Variants in RBFOX1 observed in about 807,000 individuals in gnomAD.
RBFOX1 encodes the protein RNA binding protein fox-1 homolog 1.
In RBFOX1, 8 loss-of-function variants were observed where a neutral mutation model predicts 57.7. That is an observed-to-expected ratio of 0.14 (90% CI 0.08 to 0.25). The LOEUF is 0.25. Among genes scored for constraint, RBFOX1 ranks in the 10% least tolerant of loss-of-function variants. The probability of loss-of-function intolerance (pLI) is 1.00; values close to 1 mark genes in which losing one functional copy is unlikely to be tolerated. For synonymous variants in RBFOX1, 326 were observed against 222.4 expected (o/e 1.47, Z -4.15); for missense variants, 611 against 548.5 (o/e 1.11, Z -1.14).
intron 4 of RBFOX1, among the ~76,000 whole-genome samples, chr16:5,917,480 C>G (rs116524366): frequency 1.3e-5 from 2 of 152,120 alleles, no homozygotes; most frequent in South Asian, 2.1e-4. Flanking sequence ...TCTGTCGGAT[C>G]GGGACCTCAT....
At chr16:5,282,159 G>T (rs2063287820) in intron 1 of RBFOX1, among the ~76,000 whole-genome samples, 2 of 152,182 alleles carry the variant, frequency 1.3e-5, no homozygotes, top group Non-Finnish European at 2.9e-5. Flanking sequence ...GAGTTTCCCT[G>T]CTCAAGCTCT....
In RBFOX1 at chr16:7,011,175, T is replaced by C. The variant is rs1038548172; in HGVS notation, c.-15-40882T>C. On this transcript the variant is annotated intron_variant, in intron 3 of 15. Coordinates refer to ENST00000550418, the MANE Select transcript of RBFOX1 (RefSeq NM_018723.4). The stretch of plus-strand genomic sequence containing the variant: ...AAAACTGCAGACAGATTTGGATTTA[T>C]TTGATTTCAATAATTAGCAGTCATT... Among the ~76,000 whole-genome samples the C allele has an allele frequency of 6.6e-5, 10 of 152,290 alleles. 1 individual carries two copies. The highest frequency in any genetic ancestry group is 5.2e-4 in the Admixed American group (8 of 15,296).
intron 3 of RBFOX1, among the ~76,000 whole-genome samples, chr16:5,716,170 A>G (rs73522236): frequency 0.077 from 11,732 of 152,286 alleles, 1,511 homozygotes; most frequent in African/African-American, 0.27. Flanking sequence ...AGGTAGTAGT[A>G]TCGGGCTCTT....
intron 1 of RBFOX1, among the ~76,000 whole-genome samples, chr16:6,141,140 C>A (rs981171259): frequency 1.4e-4 from 21 of 152,158 alleles, no homozygotes; most frequent in African/African-American, 4.8e-4. Flanking sequence ...CTGAACTTGA[C>A]CCTCCTTTGT....
At chr16:5,397,253 G>C (rs1405412409) in intron 1 of RBFOX1, among the ~76,000 whole-genome samples, 1 of 152,194 alleles carries the variant, frequency 6.6e-6, no homozygotes, top group Non-Finnish European at 1.5e-5. Flanking sequence ...TCCCCCTCTG[G>C]TTTCATGGTA....
intron 1 of RBFOX1, among the ~76,000 whole-genome samples, chr16:6,191,942 A>C (rs2097144515): frequency 6.6e-6 from 1 of 152,216 alleles, no homozygotes; most frequent in Non-Finnish European, 1.5e-5. Flanking sequence ...GGTTAGTATC[A>C]GCCTTGGAAT....
chr16:7,230,252 C>T (rs188484949), intron 4 of RBFOX1, among the ~76,000 whole-genome samples: 10 of 151,942 alleles, frequency 6.6e-5, no homozygotes, highest in African/African-American at 2.2e-4. Flanking sequence ...TAGTAAAAAC[C>T]CAAACAAAAT....
chr16:7,248,205 T>G (rs2153004029), intron 4 of RBFOX1, among the ~76,000 whole-genome samples: 1 of 152,204 alleles, frequency 6.6e-6, no homozygotes, highest in South Asian at 2.1e-4. Flanking sequence ...TCTGATAGGG[T>G]CCCTGTGATG....
chr16:6,452,302 C>G lies in RBFOX1; in HGVS notation c.-64+135245C>G, dbSNP rs147924236. 1.1e-4 allele frequency among the ~76,000 whole-genome samples: 16 copies of G among 151,950 alleles called. No individual in the cohort carries two copies. The East Asian group carries it at 3.1e-3, about 30-fold the overall frequency. ...TCCATGACTCCATCCATGGCTGCATCCTTTCATGACTCTATCCATGGTCCC... is the reference window on the plus strand; with the variant it reads ...TCCATGACTCCATCCATGGCTGCATGCTTTCATGACTCTATCCATGGTCCC... On this transcript the variant is annotated intron_variant, in intron 2 of 15. Coordinates refer to ENST00000550418, the MANE Select transcript of RBFOX1 (RefSeq NM_018723.4).
At chr16:6,839,362 G>C (rs1412763155) in intron 3 of RBFOX1, among the ~76,000 whole-genome samples, 1 of 152,128 alleles carries the variant, frequency 6.6e-6, no homozygotes, top group Non-Finnish European at 1.5e-5. Flanking sequence ...ACTCCATCTG[G>C]GCAGAAAGGC....
At chr16:7,440,827 A>C (rs960221611) in intron 4 of RBFOX1, among the ~76,000 whole-genome samples, 2 of 152,136 alleles carry the variant, frequency 1.3e-5, no homozygotes, top group African/African-American at 4.8e-5. Context: ...CAAGGGGGCT[A>C]CAAGGAATTT....
intron 1 of RBFOX1, among the ~76,000 whole-genome samples, chr16:6,293,681 A>C (rs7204695): frequency 0.82 from 124,629 of 152,014 alleles, 51,299 homozygotes; most frequent in East Asian, 0.99. Flanking sequence ...AAGAGGGGCT[A>C]GTTCAGCCCT....
chr16:6,737,074 T>C (rs1316446002), intron 3 of RBFOX1, among the ~76,000 whole-genome samples: 1 of 152,190 alleles, frequency 6.6e-6, no homozygotes, highest in African/African-American at 2.4e-5. Flanking sequence ...GATACTTCAG[T>C]GGGCAGTGAA....
intron 1 of RBFOX1, among the ~76,000 whole-genome samples, chr16:6,233,360 C>G (rs1296938647): frequency 6.6e-6 from 1 of 152,044 alleles, no homozygotes; most frequent in African/African-American, 2.4e-5. Flanking sequence ...CTGATCCAAA[C>G]CACCATCTCC....
intron 3 of RBFOX1, among the ~76,000 whole-genome samples, chr16:6,742,772 A>G (rs552543168): frequency 5.9e-4 from 90 of 152,200 alleles, no homozygotes; most frequent in Non-Finnish European, 1.1e-3. Flanking sequence ...TTTATATAAC[A>G]CTTTGACCAT....
At chr16:6,087,021 T>C (rs1295409498) in intron 1 of RBFOX1, among the ~76,000 whole-genome samples, 1 of 152,200 alleles carries the variant, frequency 6.6e-6, no homozygotes, top group African/African-American at 2.4e-5. Context: ...TGGGTAGATA[T>C]ACATTGAGTG....
chr16:6,931,367 A>G (rs1450159184), intron 3 of RBFOX1, among the ~76,000 whole-genome samples: 1 of 149,354 alleles, frequency 6.7e-6, no homozygotes, highest in Non-Finnish European at 1.5e-5. Flanking sequence ...ACACACATAC[A>G]TACACATATA....
At chr16:6,119,286 G>A (rs2096530713) in intron 1 of RBFOX1, among the ~76,000 whole-genome samples, 1 of 152,050 alleles carries the variant, frequency 6.6e-6, no homozygotes, top group South Asian at 2.1e-4. Flanking sequence ...CAGATTATCT[G>A]CTGTTTGACC....
At chr16:6,948,823 G>C (rs2080108436) in intron 3 of RBFOX1, among the ~76,000 whole-genome samples, 1 of 152,156 alleles carries the variant, frequency 6.6e-6, no homozygotes, top group African/African-American at 2.4e-5. Context: ...ATCCTAGAGA[G>C]ATGATTTGAT....
Sources: allele counts gnomAD v4.1 joint callset (sites outside exome capture counted in the v4.1 genomes callset), GRCh38; gene constraint gnomAD v4.1.1; transcripts MANE v1.5; gene names NCBI Gene and HGNC (gene_info 2026-07-23, HGNC 2026-07-21).